Variants in ARNT2 observed in about 807,000 individuals in gnomAD.
ARNT2 encodes ARNT protein 2.
A neutral mutation model predicts 91.7 loss-of-function variants in ARNT2; 36 were observed. The observed-to-expected ratio is 0.39, with a 90% CI of 0.30 to 0.52. ARNT2 has a LOEUF of 0.52. Ranked by LOEUF, ARNT2 falls within the 20% of genes least tolerant of loss-of-function variation. The pLI is 0.72. For synonymous variants in ARNT2, 365 were observed against 347.1 expected (o/e 1.05, Z -0.57); for missense variants, 775 against 939.3 (o/e 0.83, Z 2.29).
At chr15:80,513,003 A>G (rs917956426) in intron 6 of ARNT2, among the ~76,000 whole-genome samples, 2 of 152,212 alleles carry the variant, frequency 1.3e-5, no homozygotes, top group Non-Finnish European at 2.9e-5. Context: ...CTGGGCAGCA[A>G]TGACATGGGG....
At chr15:80,513,854 A>G in intron 6 of ARNT2, 57 bp from the exon 7 acceptor site, 1 of 1,418,454 alleles carries the variant, frequency 7.0e-7, no homozygotes, top group Non-Finnish European at 1.0e-6. Context: ...GCAGCACCAT[A>G]TATTGAATAA....
chr15:80,440,472 G>T (rs149940089), intron 1 of ARNT2, among the ~76,000 whole-genome samples: 1 of 152,194 alleles, frequency 6.6e-6, no homozygotes, highest in Non-Finnish European at 1.5e-5. Context: ...AGCCCACAGG[G>T]TGGAGAAGGA....
chr15:80,452,009 G>A (rs1188354359), intron 2 of ARNT2, among the ~76,000 whole-genome samples: 1 of 152,234 alleles, frequency 6.6e-6, no homozygotes, highest in Admixed American at 6.5e-5. Flanking sequence ...AAGGCCTGCA[G>A]GGTGTGCCCG....
At chr15:80,580,189 A>G (rs1596023976) in intron 15 of ARNT2, 2 of 581,282 alleles carry the variant, frequency 3.4e-6, no homozygotes, top group East Asian at 5.9e-5. Context: ...AGACTACTAG[A>G]CATGGCAGGA....
intron 1 of ARNT2, among the ~76,000 whole-genome samples, chr15:80,429,474 C>A (rs1204934335): frequency 1.3e-5 from 2 of 152,224 alleles, no homozygotes; most frequent in Non-Finnish European, 2.9e-5. Context: ...GGAGGCTCCA[C>A]CCACCCCACC....
chr15:80,441,198 G>T, intron 1 of ARNT2: 1 of 984,670 alleles, frequency 1.0e-6, no homozygotes, highest in Non-Finnish European at 1.2e-6. Flanking sequence ...CAGTTGTCAC[G>T]GCTGAATCAT....
chr15:80,537,798 G>C (rs1216847150), intron 8 of ARNT2, among the ~76,000 whole-genome samples: 1 of 152,228 alleles, frequency 6.6e-6, no homozygotes, highest in Non-Finnish European at 1.5e-5. Flanking sequence ...TGCAGGGGGA[G>C]CCCTCTCCTG....
At chr15:80,510,452 G>T (rs966303015) in intron 6 of ARNT2, among the ~76,000 whole-genome samples, 2 of 151,996 alleles carry the variant, frequency 1.3e-5, no homozygotes, top group African/African-American at 4.8e-5. Flanking sequence ...TAAAAAAAAA[G>T]CTCAATATCA....
chr15:80,533,342 C>G (rs1596001631), intron 8 of ARNT2, among the ~76,000 whole-genome samples: 1 of 152,118 alleles, frequency 6.6e-6, no homozygotes, highest in Admixed American at 6.5e-5. Flanking sequence ...GAGGTGATAG[C>G]AGGATAAGGA....
chr15:80,532,224 G>A (rs1384446698), intron 8 of ARNT2, among the ~76,000 whole-genome samples: 1 of 152,132 alleles, frequency 6.6e-6, no homozygotes, highest in Non-Finnish European at 1.5e-5. Flanking sequence ...GTCAGTACAT[G>A]GTGGAATCAG....
At chr15:80,527,558 C>T (rs1897658239) in intron 8 of ARNT2, among the ~76,000 whole-genome samples, 1 of 152,170 alleles carries the variant, frequency 6.6e-6, no homozygotes. Flanking sequence ...AATGATGATT[C>T]CAGTTTTCAT....
At chr15:80,444,150 C>T (rs529396844) in intron 1 of ARNT2, 24 of 152,432 alleles carry the variant, frequency 1.6e-4, no homozygotes, top group Non-Finnish European at 3.2e-4. Flanking sequence ...TTGAGCTACC[C>T]GTGACAAACT....
chr15:80,458,455 A>G (rs1480612517), intron 3 of ARNT2, among the ~76,000 whole-genome samples: 2 of 152,150 alleles, frequency 1.3e-5, no homozygotes, highest in Non-Finnish European at 2.9e-5. Context: ...GAAACCAGGC[A>G]GCTGTGTTCT....
At chr15:80,471,490 C>G (rs1896730664) in intron 4 of ARNT2, among the ~76,000 whole-genome samples, 1 of 152,074 alleles carries the variant, frequency 6.6e-6, no homozygotes, top group Non-Finnish European at 1.5e-5. Flanking sequence ...CATGAGTTTA[C>G]TCCCTTGGCA....
intron 1 of ARNT2, among the ~76,000 whole-genome samples, chr15:80,422,140 G>T (rs1484019652): frequency 1.3e-5 from 2 of 152,158 alleles, no homozygotes; most frequent in Non-Finnish European, 2.9e-5. Context: ...GGAGAACAGG[G>T]AAGTTAGGTG....
intron 5 of ARNT2, among the ~76,000 whole-genome samples, chr15:80,492,224 A>G (rs1235471876): frequency 6.6e-6 from 1 of 152,000 alleles, no homozygotes; most frequent in Non-Finnish European, 1.5e-5. Context: ...TATTCTTTGT[A>G]GAGAAAAGGT....
intron 8 of ARNT2, among the ~76,000 whole-genome samples, chr15:80,528,066 T>C (rs1475555701): frequency 1.3e-5 from 2 of 152,146 alleles, no homozygotes; most frequent in African/African-American, 2.4e-5. Flanking sequence ...GGAGTACTTA[T>C]GCAATAACCC....
chr15:80,468,892 C>T (rs1053559917), intron 3 of ARNT2, among the ~76,000 whole-genome samples: 2 of 152,196 alleles, frequency 1.3e-5, no homozygotes, highest in African/African-American at 2.4e-5. Context: ...CACTTCCCCT[C>T]GGTCTGTGTG....
In ARNT2 at chr15:80,543,110, A is replaced by G. The variant is rs1394583710; in HGVS notation, c.878-8089A>G. 6.0e-5 allele frequency among the ~76,000 whole-genome samples: 9 copies of G among 150,978 alleles called. No individual in the cohort carries two copies. In the East Asian group the frequency reaches 9.6e-4, roughly 16 times the overall value. ...AGACCCGGTCAAAAAAAAAAAAAAA[A>G]AAAAAAAAAAAGAAAAGTGCGTATA... On this transcript the variant is annotated intron_variant, in intron 8 of 18. Transcript: ENST00000303329.
Sources: allele counts gnomAD v4.1 joint callset (sites outside exome capture counted in the v4.1 genomes callset), GRCh38; gene constraint gnomAD v4.1.1; transcripts MANE v1.5; gene names NCBI Gene and HGNC (gene_info 2026-07-23, HGNC 2026-07-21).